ZNF536: variants seen among roughly 807,000 people sequenced by gnomAD.
ZNF536 encodes zinc finger protein 536.
In ZNF536, 13 loss-of-function variants were observed where a neutral mutation model predicts 84.5. The observed-to-expected ratio is 0.15, with a 90% CI of 0.10 to 0.24. ZNF536 has a LOEUF of 0.24. Ranked by LOEUF, ZNF536 falls within the 10% of genes least tolerant of loss-of-function variation. ZNF536 has a pLI of 1.00. For missense variants in ZNF536, 1,536 were observed against 1,747.5 expected (o/e 0.88, Z 2.16); for synonymous variants, 811 against 742.5 (o/e 1.09, Z -1.50).
chr19:30,346,834 A>G (rs1236282784), intron 2 of ZNF536, among the ~76,000 whole-genome samples: 2 of 152,220 alleles, frequency 1.3e-5, no homozygotes, highest in African/African-American at 2.4e-5. Context: ...TTATAACAGA[A>G]CAATTTATGT....
chr19:30,551,582 C>T (rs1599776537), intron 4 of ZNF536, among the ~76,000 whole-genome samples: 1 of 152,320 alleles, frequency 6.6e-6, no homozygotes, highest in South Asian at 2.1e-4. Context: ...CCCCTCGCCT[C>T]TTTCATGGGG....
chr19:30,611,121 C>A (rs181015084), intron 1 of ZNF536, among the ~76,000 whole-genome samples: 50 of 152,266 alleles, frequency 3.3e-4, no homozygotes, highest in Admixed American at 2.3e-3. Context: ...ACCAGAAGAA[C>A]CCGGAGCCAT....
Position 30,400,907 on chromosome 19 carries a change from C to T in ZNF536, c.-3+28351C>T, listed in dbSNP as rs540209449. ...TTTTTCCTTTTGTGAATTTTACTTCCGGTATCATATTTAAGAACCATTTGC... is the reference window on the plus strand; with the variant it reads ...TTTTTCCTTTTGTGAATTTTACTTCTGGTATCATATTTAAGAACCATTTGC... On this transcript the variant is annotated intron_variant, in intron 1 of 4. Transcript: ENST00000355537. Among the ~76,000 whole-genome samples the T allele has an allele frequency of 3.9e-5, 6 of 152,170 alleles. No homozygotes were observed. The South Asian group carries it at 6.2e-4, about 16-fold the overall frequency.
intron 2 of ZNF536, among the ~76,000 whole-genome samples, chr19:30,484,656 C>T (rs2054225265): frequency 6.8e-6 from 1 of 148,148 alleles, no homozygotes; most frequent in African/African-American, 2.6e-5. Flanking sequence ...AAGTAGCGCA[C>T]TTTCTTTTTT....
chr19:30,285,044 T>C (rs1334301179), intron 2 of ZNF536, among the ~76,000 whole-genome samples: 1 of 152,252 alleles, frequency 6.6e-6, no homozygotes, highest in Non-Finnish European at 1.5e-5. Flanking sequence ...ATGGGTAATT[T>C]ATATCCATTA....
intron 1 of ZNF536, among the ~76,000 whole-genome samples, chr19:30,420,706 G>A (rs1176027570): frequency 1.3e-5 from 2 of 151,878 alleles, no homozygotes; most frequent in African/African-American, 4.8e-5. Flanking sequence ...GTGGTTCATT[G>A]TGAAGTTAAA....
chr19:30,393,623 A>G (rs980057626), intron 1 of ZNF536, among the ~76,000 whole-genome samples: 4 of 152,174 alleles, frequency 2.6e-5, no homozygotes, highest in Admixed American at 2.0e-4. Flanking sequence ...CAGGGGTTAC[A>G]TGGAAACATC....
At chr19:30,686,228 C>T (rs1301723683) in intron 1 of ZNF536, among the ~76,000 whole-genome samples, 2 of 152,030 alleles carry the variant, frequency 1.3e-5, no homozygotes, top group South Asian at 2.1e-4. Flanking sequence ...GCAGTAGCAG[C>T]GAGCACCCCC....
intron 1 of ZNF536, among the ~76,000 whole-genome samples, chr19:30,282,113 C>T (rs1345117818): frequency 1.3e-5 from 2 of 152,196 alleles, no homozygotes; most frequent in Non-Finnish European, 2.9e-5. Flanking sequence ...TTCCCCGACC[C>T]GCAGTGACTG....
At chr19:30,260,471 C>T (rs571631649) in intron 1 of ZNF536, among the ~76,000 whole-genome samples, 9 of 152,350 alleles carry the variant, frequency 5.9e-5, no homozygotes, top group Admixed American at 2.0e-4. Flanking sequence ...AGCTGTGTGA[C>T]TATAGTGAGA....
chr19:30,549,869 C>A (rs528103266), intron 4 of ZNF536, among the ~76,000 whole-genome samples: 13 of 152,300 alleles, frequency 8.5e-5, no homozygotes, highest in Admixed American at 3.3e-4. Flanking sequence ...TGGTAACTTG[C>A]AAATTCTTCA....
upstream of ZNF536, among the ~76,000 whole-genome samples, chr19:30,225,947 GT>G (rs1176426422): frequency 1.4e-3 from 191 of 137,476 alleles, 1 homozygote; most frequent in African/African-American, 4.9e-3. Context: ...CGGGTGGGGG[GT>G]GGGGGGAAAG....
chr19:30,383,727 CTT>C (rs1318504035), intron 1 of ZNF536, among the ~76,000 whole-genome samples: 1,558 of 29,490 alleles, frequency 0.053, 87 homozygotes, highest in Admixed American at 0.11. Context: ...TTCTTTCTTT[CTT>C]TCTTTCTTTC....
At chr19:30,499,309 G>A (rs565655981) in intron 2 of ZNF536, among the ~76,000 whole-genome samples, 1 of 152,164 alleles carries the variant, frequency 6.6e-6, no homozygotes, top group South Asian at 2.1e-4. Flanking sequence ...ATGTATCTAT[G>A]TGTGTAAGTA....
At chr19:30,232,740 G>A (rs543255957) in intron 1 of ZNF536, among the ~76,000 whole-genome samples, 8 of 152,280 alleles carry the variant, frequency 5.3e-5, no homozygotes, top group Middle Eastern at 3.4e-3. Flanking sequence ...TGAGGTTTGG[G>A]TGGAACTTAA....
chr19:30,306,990 AT>A (rs1359079114), intron 2 of ZNF536, among the ~76,000 whole-genome samples: 2 of 152,008 alleles, frequency 1.3e-5, no homozygotes, highest in Non-Finnish European at 2.9e-5. Flanking sequence ...AAAAAATTAT[AT>A]TTTTATATAT....
chr19:30,450,599 C>T (rs1369821632), intron 2 of ZNF536, among the ~76,000 whole-genome samples: 1 of 152,076 alleles, frequency 6.6e-6, no homozygotes, highest in African/African-American at 2.4e-5. Context: ...AGCCCAGGCT[C>T]AAGCATGTGA....
chr19:30,248,089 T>G (rs1433661683), intron 1 of ZNF536, among the ~76,000 whole-genome samples: 1 of 152,170 alleles, frequency 6.6e-6, no homozygotes, highest in East Asian at 1.9e-4. Flanking sequence ...AATCTCTGCA[T>G]TCGAATTCAA....
chr19:30,285,960 A>T (rs1314701631), intron 2 of ZNF536, among the ~76,000 whole-genome samples: 1 of 152,204 alleles, frequency 6.6e-6, no homozygotes, highest in African/African-American at 2.4e-5. Flanking sequence ...TTCCTGTCAG[A>T]GTTCCAGAGT....
Sources: gnomAD v4.1 joint callset for allele counts (sites outside exome capture counted in the v4.1 genomes callset) on GRCh38, gnomAD v4.1.1 for gene constraint, MANE v1.5 for transcripts, NCBI Gene and HGNC (gene_info 2026-07-23, HGNC 2026-07-21) for gene names.